The following RBM47 variants were observed in gnomAD, a reference collection of about 807,000 sequenced individuals.
The protein encoded by RBM47 is RNA binding motif protein 47, also known as RNA-binding protein 47.
Under a neutral mutation model 47.1 loss-of-function variants are expected in RBM47, and 21 were observed. That is an observed-to-expected ratio of 0.45 (90% CI 0.32 to 0.64). The LOEUF is 0.64. Among genes scored for constraint, RBM47 ranks in the 30% least tolerant of loss-of-function variants. RBM47 has a pLI of 0.05. For synonymous variants in RBM47, 375 were observed against 361.7 expected (o/e 1.04, Z -0.42); for missense variants, 708 against 870.9 (o/e 0.81, Z 2.35).
At chr4:40,434,098 T>C (rs939995751) in intron 5 of RBM47, among the ~76,000 whole-genome samples, 4 of 151,848 alleles carry the variant, frequency 2.6e-5, no homozygotes, top group Admixed American at 2.6e-4. Flanking sequence ...ATTTCTGGTT[T>C]TCTCCAACTG....
chr4:40,495,708 C>G lies in RBM47; in HGVS notation c.-154-29009G>C, dbSNP rs116731621. Among the ~76,000 whole-genome samples the G allele has an allele frequency of 9.3e-3, 1,415 of 152,234 alleles. 26 individuals carry two copies. Among genetic ancestry groups the G allele is most frequent in the African/African-American group, 0.033 (1,350 of 41,530 alleles). On this transcript the variant is annotated intron_variant, in intron 2 of 6. Coordinates refer to ENST00000295971, the MANE Select transcript of RBM47 (RefSeq NM_001098634.2). ...GGGATAACAGAAGAGTGGTGCTAAT[C>G]TAACATTTCTTTGAAGAGGCATGCT... is the stretch of plus-strand genomic sequence containing the variant.
intron 2 of RBM47, among the ~76,000 whole-genome samples, chr4:40,483,124 C>A (rs981937207): frequency 1.3e-5 from 2 of 152,092 alleles, no homozygotes; most frequent in Non-Finnish European, 2.9e-5. Context: ...TCAGTTTAGA[C>A]GGGATGCTAA....
At chr4:40,609,288 C>T (rs1736038090) in intron 1 of RBM47, among the ~76,000 whole-genome samples, 1 of 151,474 alleles carries the variant, frequency 6.6e-6, no homozygotes. Context: ...CCATGCCTGG[C>T]CTGCTAATTT....
chr4:40,463,377 G>A (rs909164029), intron 3 of RBM47, among the ~76,000 whole-genome samples: 10 of 152,166 alleles, frequency 6.6e-5, no homozygotes, highest in Non-Finnish European at 1.2e-4. Context: ...AACCACAAGT[G>A]TTGGTGAGAA....
intron 4 of RBM47, among the ~76,000 whole-genome samples, chr4:40,437,052 G>A (rs1485664694): frequency 8.8e-6 from 1 of 113,804 alleles, no homozygotes; most frequent in Non-Finnish European, 1.7e-5. Context: ...CCAGCCTGGG[G>A]AGCATGGTGA....
chr4:40,428,529 A>G (rs1204770482), intron 6 of RBM47, among the ~76,000 whole-genome samples: 2 of 152,246 alleles, frequency 1.3e-5, no homozygotes, highest in Non-Finnish European at 2.9e-5. Context: ...AGCAAGACAC[A>G]AGTCACCTTT....
At chr4:40,626,670 C>T (rs532371384) in intron 1 of RBM47, among the ~76,000 whole-genome samples, 1 of 152,286 alleles carries the variant, frequency 6.6e-6, no homozygotes, top group South Asian at 2.1e-4. Flanking sequence ...TGGTCATTGA[C>T]TTCAAGGGGA....
chr4:40,459,950 T>C (rs975407197), intron 3 of RBM47, among the ~76,000 whole-genome samples: 8 of 152,182 alleles, frequency 5.3e-5, no homozygotes, highest in African/African-American at 1.7e-4. Context: ...GAGACGGGGT[T>C]TCACCACGTT....
intron 1 of RBM47, among the ~76,000 whole-genome samples, chr4:40,604,772 A>G (rs1427917834): frequency 2.6e-5 from 4 of 152,164 alleles, no homozygotes; most frequent in Non-Finnish European, 5.9e-5. Context: ...GCTGGAGTAC[A>G]GTGGTGCAAT....
rs114000743 is a variant in RBM47 at position 40,485,996 on chromosome 4, G to A, written c.-154-19297C>T. Among the ~76,000 whole-genome samples, 1,340 of 146,368 alleles carry A rather than the reference G, an allele frequency of 9.2e-3. 20 individuals are homozygous for A. The highest frequency in any genetic ancestry group is 0.029 in the African/African-American group (1,124 of 39,408). Reference sequence around the variant, plus strand: ...TGAGGTGGGAGAACTGCTTGAGCCCGGAAGCTCCAACTGTAGTGAGCCATA... The same window carrying A: ...TGAGGTGGGAGAACTGCTTGAGCCCAGAAGCTCCAACTGTAGTGAGCCATA... On this transcript the variant is annotated intron_variant, in intron 2 of 6. Coordinates refer to ENST00000295971, the MANE Select transcript of RBM47 (RefSeq NM_001098634.2).
chr4:40,449,718 G>A (rs968914510), intron 3 of RBM47, among the ~76,000 whole-genome samples: 4 of 152,032 alleles, frequency 2.6e-5, no homozygotes, highest in Admixed American at 1.3e-4. Context: ...TCATTCTGTC[G>A]CCCAGGCTGG....
At chr4:40,543,087 A>G (rs531410362) in intron 2 of RBM47, 1 of 152,322 alleles carries the variant, frequency 6.6e-6, no homozygotes, top group East Asian at 1.9e-4. Context: ...ATCATGTACT[A>G]TCACCTATAG....
intron 1 of RBM47, among the ~76,000 whole-genome samples, chr4:40,556,193 G>A (rs1004433261): frequency 1.3e-5 from 2 of 151,700 alleles, no homozygotes; most frequent in Non-Finnish European, 2.9e-5. Context: ...GCACCACCGC[G>A]TCTGGCTTAT....
chr4:40,598,405 C>T (rs562626345), intron 1 of RBM47, among the ~76,000 whole-genome samples: 1 of 152,200 alleles, frequency 6.6e-6, no homozygotes, highest in East Asian at 1.9e-4. Context: ...CACCACCATG[C>T]CCAGCTAGTC....
chr4:40,524,585 C>A (rs564234084), intron 2 of RBM47, among the ~76,000 whole-genome samples: 2 of 152,282 alleles, frequency 1.3e-5, no homozygotes, highest in Admixed American at 1.3e-4. Flanking sequence ...AATTGGCATT[C>A]GGACTCAGAA....
In RBM47 at chr4:40,436,550, T is replaced by C; in HGVS notation, c.1221A>G (p.Ile407Met). 6.2e-7 allele frequency: 1 copy of C among 1,614,178 alleles called. No homozygotes were observed. The highest frequency in any genetic ancestry group is 8.5e-7 in the Non-Finnish European group (1 of 1,180,014). ...CTTTCCCTTCATGATATCGGCTATA[T>C]ATACCACGACCAGCAGAATATCCCC... Reference protein sequence around the residue: ...YLGGYSAGRGIYSRYHEGKGK... With the variant: ...YLGGYSAGRGMYSRYHEGKGK... The change falls in exon 5 of 7, where the codon ATA becomes ATG. Residue 407 changes from isoleucine to methionine, a missense_variant. Ile to Met is a conservative substitution (Grantham distance 10). Transcript: ENST00000295971.
rs375620057 is a variant in RBM47, at chr4:40,438,627, G to A, written c.267C>T (p.Pro89=). ...PRDVYEDELV[P]VFEAVGRIYE... ...AGATGCGGCCCACGGCCTCGAACAC[G>A]GGCACCAGCTCGTCCTCGTACACGT... The change falls in exon 4 of 7, where the codon CCC becomes CCT. Residue 89 remains proline (P), a synonymous_variant. Coordinates refer to ENST00000295971, the MANE Select transcript of RBM47 (RefSeq NM_001098634.2). 9.6e-5 allele frequency: 155 copies of A among 1,613,328 alleles called. No homozygotes were observed. The highest frequency in any genetic ancestry group is 1.2e-4 in the Non-Finnish European group (139 of 1,179,668).
At chr4:40,586,443 G>A (rs1029565388) in intron 1 of RBM47, among the ~76,000 whole-genome samples, 13 of 151,792 alleles carry the variant, frequency 8.6e-5, no homozygotes, top group African/African-American at 2.9e-4. Flanking sequence ...TTTGAAAGCA[G>A]GCATGTTGGA....
chr4:40,438,887 C>T lies in RBM47; in HGVS notation c.7G>A (p.Ala3Thr), dbSNP rs1351587166. 1.9e-6 allele frequency: 3 copies of T among 1,549,278 alleles called. No individual in the cohort carries two copies. Among genetic ancestry groups the T allele is most frequent in the Non-Finnish European group, 2.6e-6 (3 of 1,153,016 alleles). MT[A>T]EDSTAAMSSD... ...CTCATGGCTGCGGTGGAATCCTCTG[C>T]GGTCATAATGTCAAAGGCATCCACA... The change falls in exon 4 of 7, where the codon GCA becomes ACA. Residue 3 changes from alanine to threonine, a missense_variant. By Grantham distance (58) the Ala-to-Thr change is moderately conservative (BLOSUM62 0). Coordinates refer to ENST00000295971, the MANE Select transcript of RBM47 (RefSeq NM_001098634.2).
Sources: allele counts gnomAD v4.1 joint callset (sites outside exome capture counted in the v4.1 genomes callset), GRCh38; gene constraint gnomAD v4.1.1; transcripts MANE v1.5; gene names NCBI Gene and HGNC (gene_info 2026-07-23, HGNC 2026-07-21).